The following PPARGC1A variants were observed in gnomAD, a reference collection of about 807,000 sequenced individuals.
PPARGC1A encodes the protein peroxisome proliferator-activated receptor gamma coactivator 1-alpha.
In PPARGC1A, 25 loss-of-function variants were observed where a neutral mutation model predicts 88.7. The observed-to-expected ratio is 0.28, with a 90% CI of 0.21 to 0.39. The LOEUF is 0.39. Ranked by LOEUF, PPARGC1A falls within the 10% of genes least tolerant of loss-of-function variation. The pLI, the probability that PPARGC1A is intolerant of heterozygous loss-of-function variation, is 1.00. For synonymous variants in PPARGC1A, 363 were observed against 355.6 expected (o/e 1.02, Z -0.24); for missense variants, 880 against 968.7 (o/e 0.91, Z 1.22).
At chr4:24,159,501 G>T in the PPARGC1A span, among the ~76,000 whole-genome samples, 5 of 152,122 alleles carry the variant, frequency 3.3e-5, no homozygotes, top group Admixed American at 6.5e-5. Flanking sequence ...GAGCCACTGC[G>T]CCCGGCCGAG....
At chr4:24,088,373 A>AGAAGAAG in the PPARGC1A span, among the ~76,000 whole-genome samples, 2 of 151,934 alleles carry the variant, frequency 1.3e-5, no homozygotes, top group African/African-American at 4.8e-5. Flanking sequence ...AAAAAAAGAA[A>AGAAGAAG]GAAGAAGGAA....
the PPARGC1A span, among the ~76,000 whole-genome samples, chr4:23,990,075 TTATATATAA>T: frequency 8.7e-6 from 1 of 115,326 alleles, no homozygotes; most frequent in African/African-American, 3.1e-5. Context: ...TAATTATATA[TTATATATAA>T]TATATATTAC....
chr4:24,452,835 A>C, the PPARGC1A span, among the ~76,000 whole-genome samples: 1 of 152,226 alleles, frequency 6.6e-6, no homozygotes, highest in African/African-American at 2.4e-5. Flanking sequence ...CTGGGATTTC[A>C]ACTCTATTAC....
At chr4:23,883,662 G>C (rs1168902141) in intron 2 of PPARGC1A, 1 of 152,124 alleles carries the variant, frequency 6.6e-6, no homozygotes, top group Non-Finnish European at 1.5e-5. Context: ...CATATATTAA[G>C]CATGAGTATA....
the PPARGC1A span, among the ~76,000 whole-genome samples, chr4:23,949,465 C>T: frequency 6.6e-6 from 1 of 152,102 alleles, no homozygotes; most frequent in Non-Finnish European, 1.5e-5. Context: ...AACACTTGTG[C>T]CAGTTAATTA....
the PPARGC1A span, among the ~76,000 whole-genome samples, chr4:24,242,269 G>A: frequency 2.0e-5 from 3 of 152,108 alleles, no homozygotes; most frequent in Admixed American, 6.5e-5. Flanking sequence ...AGCCCAACAC[G>A]CCTGGTGTGG....
At chr4:24,060,112 C>T in the PPARGC1A span, among the ~76,000 whole-genome samples, 1 of 152,170 alleles carries the variant, frequency 6.6e-6, no homozygotes, top group Admixed American at 6.5e-5. Flanking sequence ...TTACCTGCAG[C>T]ACACAGCTTT....
chr4:23,924,365 T>A, the PPARGC1A span, among the ~76,000 whole-genome samples: 4 of 152,300 alleles, frequency 2.6e-5, no homozygotes, highest in African/African-American at 9.6e-5. Flanking sequence ...TGGTGCCTCG[T>A]GTCTGTAATC....
the PPARGC1A span, among the ~76,000 whole-genome samples, chr4:24,106,175 T>A: frequency 2.0e-5 from 3 of 152,206 alleles, no homozygotes; most frequent in African/African-American, 2.4e-5. Context: ...GACTTTATTT[T>A]CTTCCAGATT....
intron 12 of PPARGC1A, among the ~76,000 whole-genome samples, chr4:23,797,756 A>G (rs1322721811): frequency 1.3e-5 from 2 of 152,184 alleles, no homozygotes; most frequent in African/African-American, 4.8e-5. Flanking sequence ...GTTACATTTA[A>G]TTTCTGAGGC....
the PPARGC1A span, among the ~76,000 whole-genome samples, chr4:24,364,732 C>T: frequency 6.6e-6 from 1 of 151,864 alleles, no homozygotes; most frequent in Non-Finnish European, 1.5e-5. Flanking sequence ...TTTGTGTATA[C>T]GTGTGGACCC....
the PPARGC1A span, among the ~76,000 whole-genome samples, chr4:24,396,103 G>A: frequency 6.6e-6 from 1 of 152,032 alleles, no homozygotes; most frequent in Non-Finnish European, 1.5e-5. Context: ...CTGGGGCAGA[G>A]CCGGGCAGAC....
the PPARGC1A span, among the ~76,000 whole-genome samples, chr4:24,241,600 T>C: frequency 6.6e-6 from 1 of 152,242 alleles, no homozygotes; most frequent in African/African-American, 2.4e-5. Flanking sequence ...TTAAAATGCA[T>C]CTGCAGGCTC....
the PPARGC1A span, among the ~76,000 whole-genome samples, chr4:24,428,669 G>A: frequency 6.6e-6 from 1 of 152,316 alleles, no homozygotes; most frequent in South Asian, 2.1e-4. Flanking sequence ...CTTGTTGCAA[G>A]GAGTGGCTGG....
At chr4:23,838,177 C>A (rs150955861) in intron 2 of PPARGC1A, among the ~76,000 whole-genome samples, 2 of 152,220 alleles carry the variant, frequency 1.3e-5, no homozygotes, top group Admixed American at 6.5e-5. Context: ...ATTTTGAATA[C>A]CCACATTCAA....
the PPARGC1A span, among the ~76,000 whole-genome samples, chr4:24,410,414 T>C: frequency 6.6e-6 from 1 of 152,220 alleles, no homozygotes; most frequent in African/African-American, 2.4e-5. Flanking sequence ...ATGGTATTAA[T>C]TGAAATGCCT....
the PPARGC1A span, among the ~76,000 whole-genome samples, chr4:24,166,518 C>A: frequency 6.6e-6 from 1 of 152,192 alleles, no homozygotes; most frequent in Non-Finnish European, 1.5e-5. Context: ...CTGAAAAGAA[C>A]AGCCTGATTC....
chr4:24,349,831 C>T, the PPARGC1A span, among the ~76,000 whole-genome samples: 57 of 152,316 alleles, frequency 3.7e-4, 3 homozygotes, highest in East Asian at 9.1e-3. Context: ...TTTCTCACCC[C>T]GTTCAAATTG....
At chr4:24,144,283 G>A in the PPARGC1A span, among the ~76,000 whole-genome samples, 1 of 152,160 alleles carries the variant, frequency 6.6e-6, no homozygotes, top group Non-Finnish European at 1.5e-5. Context: ...TGCCACTAGT[G>A]CCAATGTGTA....
Sources: gnomAD v4.1 joint callset for allele counts (sites outside exome capture counted in the v4.1 genomes callset) on GRCh38, gnomAD v4.1.1 for gene constraint, MANE v1.5 for transcripts, NCBI Gene and HGNC (gene_info 2026-07-23, HGNC 2026-07-21) for gene names.